The following NUDT9 variants were observed in gnomAD, a reference collection of about 807,000 sequenced individuals.
NUDT9 encodes nudix hydrolase 9.
A neutral mutation model predicts 41.0 loss-of-function variants in NUDT9; 31 were observed. That is an observed-to-expected ratio of 0.76 (90% confidence interval 0.57 to 1.02). The LOEUF (loss-of-function observed/expected upper bound fraction) is 1.02. Ranked by LOEUF, NUDT9 falls within the 50% of genes least tolerant of loss-of-function variation. The pLI is 0.00. For synonymous variants in NUDT9, 146 were observed against 147.6 expected (o/e 0.99, Z 0.08); for missense variants, 380 against 431.4 (o/e 0.88, Z 1.06).
intron 6 of NUDT9, 46 bp from the exon 7 acceptor site, chr4:87,454,325 C>A: frequency 9.7e-7 from 1 of 1,027,508 alleles, no homozygotes; most frequent in Non-Finnish European, 1.5e-6. Flanking sequence ...CTGCTGTACT[C>A]ACTACACCTT....
chr4:87,431,056 A>C (rs1031390100), intron 1 of NUDT9, among the ~76,000 whole-genome samples: 4 of 152,100 alleles, frequency 2.6e-5, no homozygotes, highest in Admixed American at 2.6e-4. Flanking sequence ...TTCCTCTAAG[A>C]TTTTGATCAT....
rs529462777 is a variant in NUDT9, at chr4:87,456,918, C to T, written c.875-925C>T. 4.6e-5 allele frequency among the ~76,000 whole-genome samples: 7 copies of T among 151,984 alleles called. No individual in the cohort carries two copies. In the South Asian group the frequency reaches 6.3e-4, roughly 14 times the overall value. ...TGCACTTCAGCCTGGTCAACAACAG[C>T]GAGACTCCATCTAAAAATAAATAAA... On this transcript the variant is annotated intron_variant, in intron 7 of 7. Coordinates refer to ENST00000302174, the MANE Select transcript of NUDT9 (RefSeq NM_024047.5).
intron 1 of NUDT9, among the ~76,000 whole-genome samples, chr4:87,429,146 A>G (rs535101867): frequency 1.3e-5 from 2 of 152,268 alleles, no homozygotes; most frequent in East Asian, 1.9e-4. Flanking sequence ...AATTTTAATT[A>G]AAAAGGTTTC....
At chr4:87,434,959 T>C (rs28736552) in intron 1 of NUDT9, 22 bp from the exon 2 acceptor site, 561,541 of 1,586,544 alleles carry the variant, frequency 0.35, 103,157 homozygotes, top group Admixed American at 0.39. Flanking sequence ...TTATGTAAAA[T>C]GTTTTTCTTT....
At chr4:87,452,823 T>TG (rs1475579635) in intron 6 of NUDT9, among the ~76,000 whole-genome samples, 1 of 149,496 alleles carries the variant, frequency 6.7e-6, no homozygotes, top group East Asian at 2.0e-4. Flanking sequence ...TTTTTTTTTT[T>TG]TTTTTTGAGA....
intron 4 of NUDT9, among the ~76,000 whole-genome samples, chr4:87,447,359 G>A (rs1560796799): frequency 6.6e-6 from 1 of 152,022 alleles, no homozygotes; most frequent in Non-Finnish European, 1.5e-5. Flanking sequence ...TGGTAGATAT[G>A]GTAGTCAGCT....
At chr4:87,439,992 T>G (rs1037646808) in intron 3 of NUDT9, among the ~76,000 whole-genome samples, 1 of 152,236 alleles carries the variant, frequency 6.6e-6, no homozygotes, top group Non-Finnish European at 1.5e-5. Context: ...CATCTCAACC[T>G]GGTCCTTCAG....
intron 1 of NUDT9, among the ~76,000 whole-genome samples, chr4:87,432,378 G>A (rs1721726138): frequency 6.6e-6 from 1 of 152,120 alleles, no homozygotes; most frequent in Non-Finnish European, 1.5e-5. Flanking sequence ...TCTATTTGTG[G>A]CATCATATCA....
At chr4:87,455,671 T>A (rs1192853495) in intron 7 of NUDT9, among the ~76,000 whole-genome samples, 1 of 151,116 alleles carries the variant, frequency 6.6e-6, no homozygotes, top group Admixed American at 6.6e-5. Context: ...TTTTTTTTTT[T>A]TTAACCCCGA....
chr4:87,454,733 T>C (rs1722912012), intron 7 of NUDT9, among the ~76,000 whole-genome samples: 2 of 152,238 alleles, frequency 1.3e-5, no homozygotes, highest in Admixed American at 6.5e-5. Context: ...TTTAAAGATG[T>C]CAGATTATTT....
chr4:87,448,034 T>TAA (rs200685072), intron 4 of NUDT9, among the ~76,000 whole-genome samples: 4 of 134,508 alleles, frequency 3.0e-5, no homozygotes, highest in African/African-American at 8.2e-5. Context: ...CCTGTCTTTT[T>TAA]AAAAAAAAAA....
intron 2 of NUDT9, among the ~76,000 whole-genome samples, chr4:87,437,922 G>T (rs1223077402): frequency 1.3e-5 from 2 of 152,034 alleles, no homozygotes; most frequent in African/African-American, 4.8e-5. Context: ...GGAATTACAT[G>T]GGAGCAAATA....
At chr4:87,444,731 G>A (rs1412746013) in intron 4 of NUDT9, among the ~76,000 whole-genome samples, 2 of 152,154 alleles carry the variant, frequency 1.3e-5, no homozygotes, top group African/African-American at 4.8e-5. Context: ...TAGTGGCTGG[G>A]AGTATACATG....
intron 1 of NUDT9, among the ~76,000 whole-genome samples, chr4:87,426,239 C>G (rs965480567): frequency 6.6e-6 from 1 of 150,736 alleles, no homozygotes; most frequent in African/African-American, 2.4e-5. Flanking sequence ...TTGTTTTATT[C>G]CTGTGAATGC....
intron 4 of NUDT9, among the ~76,000 whole-genome samples, chr4:87,448,695 G>A (rs1331296641): frequency 1.3e-5 from 2 of 152,048 alleles, no homozygotes; most frequent in East Asian, 1.9e-4. Context: ...GCCCATCCTG[G>A]TCTTGAACTC....
chr4:87,454,275 A>T (rs1210985760), intron 6 of NUDT9, 96 bp from the exon 7 acceptor site: 1 of 692,506 alleles, frequency 1.4e-6, no homozygotes, highest in African/African-American at 1.8e-5. Context: ...GTTGGGCAAC[A>T]GGATATTTAC....
At chr4:87,441,059 G>A (rs570636696) in intron 3 of NUDT9, among the ~76,000 whole-genome samples, 247 of 152,200 alleles carry the variant, frequency 1.6e-3, no homozygotes, top group Non-Finnish European at 2.6e-3. Flanking sequence ...AGAATAAAAA[G>A]AGATGGCAAA....
intron 6 of NUDT9, among the ~76,000 whole-genome samples, chr4:87,452,097 G>C (rs1040829536): frequency 2.0e-5 from 3 of 151,666 alleles, no homozygotes; most frequent in African/African-American, 7.3e-5. Flanking sequence ...TCACCTCCCA[G>C]GTTCAAGCAA....
chr4:87,422,802 G>A lies in NUDT9; in HGVS notation c.-104G>A. 1 of 783,022 alleles carries A rather than the reference G, an allele frequency of 1.3e-6. No individual in the cohort carries two copies. The allele number at this position is 783,022 out of a possible 1,614,324, so 48.5% of individuals were successfully genotyped here. A position where few individuals can be genotyped will look rare whatever the true frequency, so the allele number is the denominator to read the frequency against. On this transcript the variant is annotated 5_prime_UTR_variant, in exon 1 of 8. Coordinates refer to ENST00000302174, the MANE Select transcript of NUDT9 (RefSeq NM_024047.5). The stretch of plus-strand genomic sequence containing the variant: ...AACCCAACGGCAGACAGGTCCTAGT[G>A]CCCATCAGATACCCGCGGCCGGGAC...
Sources: gnomAD v4.1 joint callset for allele counts (sites outside exome capture counted in the v4.1 genomes callset) on GRCh38, gnomAD v4.1.1 for gene constraint, MANE v1.5 for transcripts, NCBI Gene and HGNC (gene_info 2026-07-23, HGNC 2026-07-21) for gene names.